The following DCC variants were observed in gnomAD, a reference collection of about 807,000 sequenced individuals.
The protein encoded by DCC is DCC netrin 1 receptor.
Under a neutral mutation model 172.5 loss-of-function variants are expected in DCC, and 58 were observed. The observed-to-expected ratio is 0.34, with a 90% CI of 0.27 to 0.42. The LOEUF (loss-of-function observed/expected upper bound fraction) is 0.42, where lower values mean the gene tolerates loss of function less well. Ranked by LOEUF, DCC falls within the 10% of genes least tolerant of loss-of-function variation. The pLI, the probability that DCC is intolerant of heterozygous loss-of-function variation, is 1.00. For synonymous variants in DCC, 709 were observed against 644.5 expected, an observed-to-expected ratio of 1.10 and a Z score of -1.52; for missense variants, 1,740 against 1,791.0, an observed-to-expected ratio of 0.97 and a Z score of 0.51.
At chr18:52,997,647 A>G (rs1263875126) in intron 5 of DCC, among the ~76,000 whole-genome samples, 5 of 152,118 alleles carry the variant, frequency 3.3e-5, no homozygotes, top group East Asian at 1.9e-4. Context: ...CAGGTAAGAA[A>G]GAGTCTCATA....
intron 15 of DCC, among the ~76,000 whole-genome samples, chr18:53,385,474 C>T (rs538674932): frequency 7.2e-4 from 110 of 152,260 alleles, no homozygotes; most frequent in African/African-American, 2.4e-3. Context: ...CTTTCTCTCC[C>T]CTTCATCAAT....
intron 1 of DCC, among the ~76,000 whole-genome samples, chr18:52,637,009 C>A (rs1042091391): frequency 1.3e-5 from 2 of 152,178 alleles, no homozygotes; most frequent in Non-Finnish European, 2.9e-5. Context: ...TGCAGACAAC[C>A]CCCAGTACCA....
intron 1 of DCC, among the ~76,000 whole-genome samples, chr18:52,580,217 A>G (rs994711616): frequency 7.2e-5 from 11 of 152,222 alleles, no homozygotes; most frequent in African/African-American, 2.7e-4. Flanking sequence ...GGATGACCTT[A>G]AGGCCCAATC....
chr18:52,677,331 G>T (rs902387232), intron 1 of DCC, among the ~76,000 whole-genome samples: 1 of 152,136 alleles, frequency 6.6e-6, no homozygotes, highest in Non-Finnish European at 1.5e-5. Context: ...CAAAAAAAGA[G>T]AAGTGGTTAA....
intron 1 of DCC, among the ~76,000 whole-genome samples, chr18:52,609,898 G>A (rs2034214996): frequency 6.6e-6 from 1 of 151,794 alleles, no homozygotes; most frequent in Admixed American, 6.6e-5. Context: ...ACTGTATAAG[G>A]TAGGAGTGAC....
chr18:53,410,943 T>C (rs1909947235), intron 20 of DCC, among the ~76,000 whole-genome samples: 1 of 152,150 alleles, frequency 6.6e-6, no homozygotes, highest in Admixed American at 6.6e-5. Context: ...GCTTCAGCCA[T>C]TTTATGTAAG....
intron 2 of DCC, among the ~76,000 whole-genome samples, chr18:52,845,612 C>G (rs1340578909): frequency 6.6e-6 from 1 of 152,148 alleles, no homozygotes; most frequent in East Asian, 1.9e-4. Flanking sequence ...GGGATCATGC[C>G]CAAGTTCAAG....
At chr18:53,351,251 G>A (rs1275816082) in intron 15 of DCC, among the ~76,000 whole-genome samples, 3 of 128,254 alleles carry the variant, frequency 2.3e-5, no homozygotes, top group African/African-American at 8.6e-5. Context: ...TTGTATATTA[G>A]CATTGAACAG....
chr18:52,395,129 G>T (rs956304724), intron 1 of DCC, among the ~76,000 whole-genome samples: 1 of 152,046 alleles, frequency 6.6e-6, no homozygotes, highest in Non-Finnish European at 1.5e-5. Flanking sequence ...TCTGTTCAGT[G>T]AAGTTGCTAA....
intron 1 of DCC, among the ~76,000 whole-genome samples, chr18:52,416,391 G>A (rs1382656274): frequency 3.3e-5 from 5 of 152,002 alleles, no homozygotes; most frequent in Middle Eastern, 3.4e-3. Context: ...TATTAGGTCC[G>A]CTTGGTGCAG....
intron 11 of DCC, among the ~76,000 whole-genome samples, chr18:53,212,748 G>A (rs914941003): frequency 6.6e-6 from 1 of 151,086 alleles, no homozygotes; most frequent in Non-Finnish European, 1.5e-5. Flanking sequence ...TCAGCTCACT[G>A]CAGCCTCCAC....
intron 1 of DCC, among the ~76,000 whole-genome samples, chr18:52,726,695 C>T (rs2036556868): frequency 6.6e-6 from 1 of 152,170 alleles, no homozygotes; most frequent in Non-Finnish European, 1.5e-5. Context: ...GTCAGGAAGA[C>T]TCAACCAAGT....
intron 1 of DCC, among the ~76,000 whole-genome samples, chr18:52,519,994 A>G (rs2031761857): frequency 2.0e-5 from 3 of 152,168 alleles, no homozygotes; most frequent in Admixed American, 2.0e-4. Context: ...TACTCAGTTA[A>G]TGGCAAGTTA....
chr18:53,214,920 A>G (rs945238828), intron 11 of DCC, among the ~76,000 whole-genome samples: 8 of 152,178 alleles, frequency 5.3e-5, no homozygotes, highest in African/African-American at 1.9e-4. Flanking sequence ...AAGAAAAACA[A>G]AATACCGTAC....
intron 2 of DCC, among the ~76,000 whole-genome samples, chr18:52,820,407 A>G (rs2038384871): frequency 6.6e-6 from 1 of 152,196 alleles, no homozygotes; most frequent in East Asian, 1.9e-4. Context: ...AAATTTACAC[A>G]TGGATTTTTT....
intron 1 of DCC, among the ~76,000 whole-genome samples, chr18:52,694,202 T>C (rs1458237266): frequency 6.6e-6 from 1 of 151,950 alleles, no homozygotes; most frequent in Admixed American, 6.6e-5. Flanking sequence ...TAAGGGACAT[T>C]TTGCAAAACG....
At chr18:53,127,157 AAATTTTTTTTTCATTTTT>A (rs2043572060) in intron 7 of DCC, among the ~76,000 whole-genome samples, 1 of 143,004 alleles carries the variant, frequency 7.0e-6, no homozygotes, top group Admixed American at 7.0e-5. Flanking sequence ...TTTTTCATTT[AAATTTTTTTTTCATTTTT>A]AATTTTTTTT....
chr18:52,397,056 T>C (rs1986257387), intron 1 of DCC, among the ~76,000 whole-genome samples: 1 of 152,060 alleles, frequency 6.6e-6, no homozygotes, highest in African/African-American at 2.4e-5. Flanking sequence ...ATTTTGCTAA[T>C]TGCGGCCACC....
chr18:53,382,812 ATTC>A (rs1907870572), intron 15 of DCC, among the ~76,000 whole-genome samples: 1 of 152,086 alleles, frequency 6.6e-6, no homozygotes, highest in South Asian at 2.1e-4. Context: ...ATCTTATTTT[ATTC>A]TTCTTGCTGT....
Sources: gnomAD v4.1 joint callset for allele counts (sites outside exome capture counted in the v4.1 genomes callset) on GRCh38, gnomAD v4.1.1 for gene constraint, MANE v1.5 for transcripts, NCBI Gene and HGNC (gene_info 2026-07-23, HGNC 2026-07-21) for gene names.